The following ERCC3 variants were observed in gnomAD, a reference collection of about 807,000 sequenced individuals.
ERCC3 encodes the protein ERCC excision repair 3, TFIIH core complex helicase subunit.
A neutral mutation model predicts 94.2 loss-of-function variants in ERCC3; 66 were observed. The ratio of observed to expected loss-of-function variants is 0.70; its 90% CI spans 0.57 to 0.86. The LOEUF (loss-of-function observed/expected upper bound fraction) is 0.86. Ranked by LOEUF, ERCC3 falls within the 40% of genes least tolerant of loss-of-function variation. The pLI is 0.00. For missense variants in ERCC3, 829 were observed against 987.1 expected, an observed-to-expected ratio of 0.84 and a Z score of 2.15; for synonymous variants, 349 against 369.1, an observed-to-expected ratio of 0.95 and a Z score of 0.63.
intron 1 of ERCC3, 87 bp downstream of exon 1, chr2:127,293,967 G>A (rs1685374426): frequency 1.9e-6 from 3 of 1,558,800 alleles, no homozygotes; most frequent in African/African-American, 2.7e-5. Context: ...GTCGGCCGGC[G>A]CAGAGGCCCG....
chr2:127,281,107 A>G, intron 8 of ERCC3: 1 of 407,676 alleles, frequency 2.5e-6, no homozygotes, highest in Admixed American at 4.0e-5. Context: ...TACAACCTGC[A>G]ATACTTACTA....
At chr2:127,273,749 CAAA>C (rs398039596) in intron 10 of ERCC3, among the ~76,000 whole-genome samples, 3 of 40,114 alleles carry the variant, frequency 7.5e-5, no homozygotes, top group African/African-American at 1.1e-4. Flanking sequence ...AACTCTGTCT[CAAA>C]AAAAAAAAAA....
chr2:127,286,948 T>A lies in ERCC3; in HGVS notation c.1097A>T (p.Asn366Ile), dbSNP rs1433368312. The change falls in exon 8 of 15, where the codon AAC becomes ATC. Residue 366 changes from asparagine (N) to isoleucine (I), a missense_variant. Transcript: ENST00000285398. ...TVRKRCLVLGNSAVSVEQWKA... is the reference protein window; with the variant it reads ...TVRKRCLVLGISAVSVEQWKA... ...CCACTGCTCCACAGAAACAGCTGAG[T>A]TGCCCAGCACCAGACAGCGTTTTCT... The A allele has an allele frequency of 6.2e-7, 1 of 1,613,920 alleles. No homozygotes were observed. Among genetic ancestry groups the A allele is most frequent in the Non-Finnish European group, 8.5e-7 (1 of 1,179,998 alleles).
At position 127,258,250 on chromosome 2, in the gene ERCC3, CAGTT is replaced by C. The variant is rs1046003630; in HGVS notation, c.2218-527_2218-524del. On this transcript the variant is annotated intron_variant, in intron 14 of 14. Coordinates refer to ENST00000285398, the MANE Select transcript of ERCC3 (RefSeq NM_000122.2). This position sits in a 1 kb window ranked among gnomAD's most constrained non-coding sequence, Gnocchi z 4.1. ...GCCTGGCCTGAACAGAATTTTTTAA[CAGTT>C]AGGGCAAAAGTTCCTTAAAATCTCC... Among the ~76,000 whole-genome samples the C allele has an allele frequency of 5.9e-5, 9 of 152,204 alleles. No individual in the cohort carries two copies. Among genetic ancestry groups the C allele is most frequent in the African/African-American group, 1.7e-4 (7 of 41,532 alleles).
intron 12 of ERCC3, chr2:127,262,500 CAAACAA>C (rs1684225172): frequency 6.6e-6 from 1 of 152,240 alleles, no homozygotes; most frequent in African/African-American, 2.4e-5. Context: ...CTCCAAAAAA[CAAACAA>C]ACAAAACATT....
chr2:127,272,347 C>G (rs1684586102), intron 11 of ERCC3, among the ~76,000 whole-genome samples: 1 of 151,984 alleles, frequency 6.6e-6, no homozygotes, highest in Non-Finnish European at 1.5e-5. Context: ...TTCTTTTGGG[C>G]TTTGGGTCTG....
At position 127,293,676 on chromosome 2, in the gene ERCC3, T is replaced by A. The variant is rs1313189867; in HGVS notation, c.71A>T (p.Asp24Val). The change falls in exon 2 of 15, where the codon GAT becomes GTT. Residue 24 changes from aspartate to valine, a missense_variant. Transcript: ENST00000285398. ...GTTCCCCGGGGCGTCCTCTTCATCATCCTCTTCATCCTCATAGTGCCGCTT... is the reference window on the plus strand; with the variant it reads ...GTTCCCCGGGGCGTCCTCTTCATCAACCTCTTCATCCTCATAGTGCCGCTT... ...SRKRHYEDEE[D>V]DEEDAPGNDP... The A allele has an allele frequency of 6.2e-7, 1 of 1,613,918 alleles. No individual in the cohort carries two copies. The highest frequency in any genetic ancestry group is 1.7e-5 in the Admixed American group (1 of 60,016).
intron 8 of ERCC3, among the ~76,000 whole-genome samples, chr2:127,285,626 C>A (rs1189979931): frequency 2.6e-5 from 4 of 152,034 alleles, no homozygotes. Context: ...GGAGGCAGAG[C>A]TTCCAGTGAG....
chr2:127,289,659 C>A (rs370456132), intron 5 of ERCC3, 30 bp downstream of exon 5: 1 of 1,613,892 alleles, frequency 6.2e-7, no homozygotes, highest in Non-Finnish European at 8.5e-7. Flanking sequence ...TGCCTGCCCC[C>A]ACCCAAGGGT....
intron 3 of ERCC3, chr2:127,290,577 T>G (rs1253340554): frequency 2.2e-6 from 1 of 453,554 alleles, no homozygotes; most frequent in Non-Finnish European, 4.1e-6. Context: ...CACCCTAGTC[T>G]AGAGAAGACC....
intron 1 of ERCC3, 42 bp downstream of exon 1, chr2:127,294,012 G>A: frequency 6.3e-7 from 1 of 1,599,466 alleles, no homozygotes; most frequent in Non-Finnish European, 8.5e-7. Flanking sequence ...GGCAGGGCCG[G>A]CAAGGGCAGT....
chr2:127,277,609 T>G lies in ERCC3; in HGVS notation c.1730+1564A>C, dbSNP rs4150467. Reference sequence around the variant, plus strand: ...AGGAGGCTGAGGCAGGAGAATCACTTGAACCCACAAGGCAGAGGTTGCAGT... The same window carrying G: ...AGGAGGCTGAGGCAGGAGAATCACTGGAACCCACAAGGCAGAGGTTGCAGT... On this transcript the variant is annotated intron_variant, in intron 10 of 14. Transcript: ENST00000285398. The surrounding 1 kb of genome is among the most constrained non-coding windows in gnomAD (Gnocchi z 5.1). Among the ~76,000 whole-genome samples the G allele has an allele frequency of 0.012, 1,883 of 152,024 alleles. 38 individuals carry two copies. The highest frequency in any genetic ancestry group is 0.043 in the African/African-American group (1,795 of 41,450).
chr2:127,293,465 G>A, intron 2 of ERCC3, 48 bp downstream of exon 2: 1 of 1,551,660 alleles, frequency 6.4e-7, no homozygotes, highest in Non-Finnish European at 8.9e-7. Context: ...AGATTTAGCT[G>A]CCGCTCCGCA....
chr2:127,289,603 T>C (rs1685196681), intron 5 of ERCC3, 86 bp downstream of exon 5: 4 of 1,602,954 alleles, frequency 2.5e-6, no homozygotes, highest in South Asian at 1.1e-5. Flanking sequence ...GGCTGCTAGG[T>C]TGTAAGTGCT....
At chr2:127,266,998 G>A (rs1330440968) in intron 12 of ERCC3, among the ~76,000 whole-genome samples, 4 of 152,224 alleles carry the variant, frequency 2.6e-5, no homozygotes, top group East Asian at 1.9e-4. Flanking sequence ...TTACAGGTGT[G>A]AGCCACGGCA....
rs572629977 is a variant in ERCC3, at chr2:127,274,222, G to A, written c.1731-1261C>T. On this transcript the variant is annotated intron_variant, in intron 10 of 14. Transcript: ENST00000285398. The surrounding 1 kb of genome is among the most constrained non-coding windows in gnomAD (Gnocchi z 4.0). ...CCCAGCTACTCAGGAGGCTGAAGCA[G>A]GAGAATCACTTGAACCTGGGAGGCA... Among the ~76,000 whole-genome samples, 231 of 151,692 alleles carry A rather than the reference G, an allele frequency of 1.5e-3. 4 individuals are homozygous for A. Among genetic ancestry groups the A allele is most frequent in the South Asian group, 0.014 (68 of 4,800 alleles).
intron 12 of ERCC3, among the ~76,000 whole-genome samples, chr2:127,269,348 C>T (rs1391978628): frequency 1.3e-5 from 2 of 150,520 alleles, no homozygotes; most frequent in East Asian, 3.9e-4. Flanking sequence ...TACAAGAGCT[C>T]AGAGATGCAA....
chr2:127,272,863 A>C lies in ERCC3; in HGVS notation c.1827+2T>G. ...CACCTCCACCCCATATGCCACACAAACCTTGGATATGAAGATGGTGTTAAT... is the reference window on the plus strand; with the variant it reads ...CACCTCCACCCCATATGCCACACAACCCTTGGATATGAAGATGGTGTTAAT... On this transcript the variant is annotated splice_donor_variant, in intron 11 of 14. Coordinates refer to ENST00000285398, the MANE Select transcript of ERCC3 (RefSeq NM_000122.2). LOFTEE classifies it high-confidence loss of function. The C allele has an allele frequency of 3.7e-6, 6 of 1,606,994 alleles. No homozygotes were observed. Among genetic ancestry groups the C allele is most frequent in the Non-Finnish European group, 4.3e-6 (5 of 1,173,598 alleles).
chr2:127,289,354 A>G lies in ERCC3; in HGVS notation c.805T>C (p.Ser269Pro). ...EEEEEETQTV[S>P]FEVKQEMIEE... ...TCACTAACCTGCTTGACTTCAAAAG[A>G]CACTGTCTGTGTCTCTTCTTCTTCT... Residue 269 changes from serine (S) to proline (P), a missense_variant, in exon 6 of 15, where the codon TCT becomes CCT. Coordinates refer to ENST00000285398, the MANE Select transcript of ERCC3 (RefSeq NM_000122.2). 1 of 1,613,790 alleles carries G rather than the reference A, an allele frequency of 6.2e-7. No individual in the cohort carries two copies. Among genetic ancestry groups the G allele is most frequent in the East Asian group, 2.2e-5 (1 of 44,870 alleles).
Sources: gnomAD v4.1 joint callset for allele counts (sites outside exome capture counted in the v4.1 genomes callset) on GRCh38, gnomAD v4.1.1 for gene constraint, Gnocchi (gnomAD v3.1) non-coding constraint, MANE v1.5 for transcripts, NCBI Gene and HGNC (gene_info 2026-07-23, HGNC 2026-07-21) for gene names.